The following NTM variants were observed in gnomAD, a reference collection of about 807,000 sequenced individuals.
The protein encoded by NTM is IgLON family member 2.
NTM carries 13 observed loss-of-function variants against 42.1 expected under a neutral mutation model. The ratio of observed to expected loss-of-function variants is 0.31; its 90% CI spans 0.20 to 0.49. The LOEUF (loss-of-function observed/expected upper bound fraction) is 0.49. NTM is among the 20% of genes least tolerant of loss of function. The pLI, the probability that NTM is intolerant of heterozygous loss-of-function variation, is 0.99. For synonymous variants in NTM, 187 were observed against 179.2 expected, an observed-to-expected ratio of 1.04 and a Z score of -0.35; for missense variants, 373 against 452.8, an observed-to-expected ratio of 0.82 and a Z score of 1.60.
intron 3 of NTM, among the ~76,000 whole-genome samples, chr11:132,158,253 C>T (rs1406114673): frequency 6.6e-6 from 1 of 152,208 alleles, no homozygotes; most frequent in Non-Finnish European, 1.5e-5. Flanking sequence ...GCCTGTGATA[C>T]ACCAAGGTGG....
At chr11:131,568,551 CA>C (rs2057123959) in intron 1 of NTM, among the ~76,000 whole-genome samples, 1 of 152,176 alleles carries the variant, frequency 6.6e-6, no homozygotes, top group Non-Finnish European at 1.5e-5. Context: ...TTTGATTGGT[CA>C]GATGTGAAAA....
intron 1 of NTM, among the ~76,000 whole-genome samples, chr11:131,499,847 T>A (rs902296763): frequency 6.6e-6 from 1 of 152,198 alleles, no homozygotes; most frequent in African/African-American, 2.4e-5. Context: ...TAGTGTGTAC[T>A]TCTGTGTCAG....
At chr11:132,315,607 T>A (rs1373486836) in intron 7 of NTM, among the ~76,000 whole-genome samples, 4 of 152,176 alleles carry the variant, frequency 2.6e-5, no homozygotes, top group African/African-American at 4.8e-5. Flanking sequence ...GACAGATAAT[T>A]TGCAAGAACA....
intron 1 of NTM, among the ~76,000 whole-genome samples, chr11:131,565,669 T>G (rs542107878): frequency 3.3e-5 from 5 of 152,308 alleles, no homozygotes; most frequent in African/African-American, 1.2e-4. Context: ...AGAGCAAAAA[T>G]TTATCATACA....
intron 1 of NTM, among the ~76,000 whole-genome samples, chr11:131,456,693 C>T (rs758773930): frequency 2.6e-5 from 4 of 152,086 alleles, no homozygotes; most frequent in Non-Finnish European, 4.4e-5. Flanking sequence ...ACCTCCTTGC[C>T]GATAGAGAAA....
chr11:132,241,365 T>C (rs546514421), intron 4 of NTM, among the ~76,000 whole-genome samples: 3 of 152,366 alleles, frequency 2.0e-5, no homozygotes, highest in Non-Finnish European at 4.4e-5. Flanking sequence ...ATTGGTGCTC[T>C]GAGGCCAATT....
At chr11:131,534,317 A>G (rs1046605583) in intron 1 of NTM, 1 of 152,250 alleles carries the variant, frequency 6.6e-6, no homozygotes, top group African/African-American at 2.4e-5. Context: ...AGCTCTCCTG[A>G]TGCTCATGGA....
chr11:132,314,894 CAG>C, intron 7 of NTM, 191 bp downstream of exon 7: 2 of 1,349,286 alleles, frequency 1.5e-6, no homozygotes, highest in Non-Finnish European at 1.9e-6. Flanking sequence ...AGGAGGCAGA[CAG>C]AAAGAGAAAG....
chr11:131,789,596 A>AAGGAGAAGAAGAAGG (rs1565552514), intron 1 of NTM, among the ~76,000 whole-genome samples: 1 of 65,128 alleles, frequency 1.5e-5, no homozygotes, highest in Admixed American at 1.6e-4. Context: ...GAAGAAGAAG[A>AAGGAGAAGAAGAAGG]AGAAGAAGAA....
chr11:132,053,439 G>A (rs1280325268), intron 2 of NTM, among the ~76,000 whole-genome samples: 1 of 152,182 alleles, frequency 6.6e-6, no homozygotes, highest in Non-Finnish European at 1.5e-5. Context: ...CCAAGGCTAG[G>A]AGAAAAGAGC....
intron 2 of NTM, among the ~76,000 whole-genome samples, chr11:132,058,471 T>G (rs938397720): frequency 6.6e-6 from 1 of 152,198 alleles, no homozygotes; most frequent in African/African-American, 2.4e-5. Context: ...AGATTTAGCC[T>G]TTCTGACTTC....
At chr11:131,748,638 G>A (rs1035301893) in intron 1 of NTM, among the ~76,000 whole-genome samples, 1 of 152,186 alleles carries the variant, frequency 6.6e-6, no homozygotes, top group African/African-American at 2.4e-5. Flanking sequence ...TAAGAAGAGA[G>A]CCTCTGAGTG....
At chr11:131,838,987 G>T (rs1433864870) in intron 1 of NTM, among the ~76,000 whole-genome samples, 1 of 148,688 alleles carries the variant, frequency 6.7e-6, no homozygotes, top group Non-Finnish European at 1.5e-5. Context: ...TTTAGATGGA[G>T]TCTCGCACTG....
chr11:131,586,612 C>T (rs943605887), intron 1 of NTM, among the ~76,000 whole-genome samples: 17 of 152,170 alleles, frequency 1.1e-4, no homozygotes, highest in Admixed American at 4.6e-4. Flanking sequence ...GAACCCTGAG[C>T]CAGAGGTACC....
intron 2 of NTM, among the ~76,000 whole-genome samples, chr11:132,026,101 T>C (rs1033916061): frequency 6.6e-6 from 1 of 152,190 alleles, no homozygotes; most frequent in African/African-American, 2.4e-5. Flanking sequence ...GTTTGGGAAA[T>C]ACAAAGTACT....
At chr11:131,380,433 A>G (rs1274092427) in intron 1 of NTM, among the ~76,000 whole-genome samples, 1 of 150,308 alleles carries the variant, frequency 6.7e-6, no homozygotes, top group Non-Finnish European at 1.5e-5. Flanking sequence ...CTGGTCTTGA[A>G]CTCCTGACAT....
intron 1 of NTM, among the ~76,000 whole-genome samples, chr11:131,827,717 T>C (rs2136492419): frequency 6.6e-6 from 1 of 152,254 alleles, no homozygotes; most frequent in East Asian, 1.9e-4. Context: ...TCACACTGAG[T>C]AGTTATCTTG....
At chr11:132,132,397 T>C (rs1336529468) in intron 2 of NTM, among the ~76,000 whole-genome samples, 3 of 152,276 alleles carry the variant, frequency 2.0e-5, no homozygotes, top group Non-Finnish European at 4.4e-5. Flanking sequence ...GTAGCTGTTA[T>C]CTTCTTTGTA....
intron 1 of NTM, among the ~76,000 whole-genome samples, chr11:131,474,437 C>A (rs915433764): frequency 3.3e-5 from 5 of 152,044 alleles, no homozygotes; most frequent in Non-Finnish European, 7.4e-5. Flanking sequence ...TAGTAATTCC[C>A]CAATCTTGAT....
Sources: gnomAD v4.1 joint callset for allele counts (sites outside exome capture counted in the v4.1 genomes callset) on GRCh38, gnomAD v4.1.1 for gene constraint, MANE v1.5 for transcripts, NCBI Gene and HGNC (gene_info 2026-07-23, HGNC 2026-07-21) for gene names.